ACVR1: variants seen among roughly 807,000 people sequenced by gnomAD.
The protein encoded by ACVR1 is activin receptor type-1.
In ACVR1, 38 loss-of-function variants were observed where a neutral mutation model predicts 57.1. The observed-to-expected ratio is 0.67, with a 90% confidence interval of 0.51 to 0.87. The LOEUF (loss-of-function observed/expected upper bound fraction) is 0.87, where lower values mean the gene tolerates loss of function less well. Among genes scored for constraint, ACVR1 ranks in the 40% least tolerant of loss-of-function variants. The pLI, the probability that ACVR1 is intolerant of heterozygous loss-of-function variation, is 0.00. For synonymous variants in ACVR1, 212 were observed against 228.1 expected (o/e 0.93, Z 0.63); for missense variants, 463 against 638.2 (o/e 0.73, Z 2.96).
At chr2:157,778,048 G>A in intron 5 of ACVR1, 83 bp downstream of exon 5, 1 of 1,415,220 alleles carries the variant, frequency 7.1e-7, no homozygotes, top group Non-Finnish European at 9.9e-7. Context: ...ACTCATTACT[G>A]GTTAGCGTTT....
chr2:157,792,385 T>C (rs545774054), intron 3 of ACVR1, among the ~76,000 whole-genome samples: 16 of 152,318 alleles, frequency 1.1e-4, no homozygotes, highest in Non-Finnish European at 1.8e-4. Flanking sequence ...TCCAGTGTTA[T>C]GACCCAGGCT....
intron 3 of ACVR1, among the ~76,000 whole-genome samples, chr2:157,790,856 CCA>C (rs1206804511): frequency 2.0e-5 from 3 of 152,216 alleles, no homozygotes; most frequent in African/African-American, 7.2e-5. Flanking sequence ...CTTAATCTCT[CCA>C]CAGTTCTCCA....
chr2:157,786,587 T>G (rs954039925), intron 3 of ACVR1, among the ~76,000 whole-genome samples: 3 of 152,182 alleles, frequency 2.0e-5, no homozygotes, highest in Non-Finnish European at 4.4e-5. Flanking sequence ...TATAGAAGAT[T>G]AATATTTTGT....
rs150540806 is a variant in ACVR1 at position 157,812,613 on chromosome 2, A to G, written c.-8+5772T>C. On this transcript the variant is annotated intron_variant, in intron 2 of 10. Transcript: ENST00000434821. ...GCTGAATACATGTTGTTACAAATAT[A>G]TACACACATACACATACACTAAGCA... Among the ~76,000 whole-genome samples the G allele has an allele frequency of 6.6e-4, 101 of 152,348 alleles. 1 individual carries two copies. Among genetic ancestry groups the G allele is most frequent in the African/African-American group, 2.0e-3 (85 of 41,578 alleles).
rs756115532 is a variant in ACVR1 at position 157,738,614 on chromosome 2, C to T, written c.1265-44G>A. ...ATTGTGTTCGGTTAGCAAGAGAGTACAGGTTGCCCCAAGGTTTCATTGATG... is the reference window on the plus strand; with the variant it reads ...ATTGTGTTCGGTTAGCAAGAGAGTATAGGTTGCCCCAAGGTTTCATTGATG... On this transcript the variant is annotated intron_variant, in intron 9 of 10. Transcript: ENST00000434821. The T allele has an allele frequency of 1.1e-5, 18 of 1,613,542 alleles. No individual in the cohort carries two copies. In the Middle Eastern group the frequency reaches 4.9e-4, roughly 44 times the overall value.
intron 1 of ACVR1, among the ~76,000 whole-genome samples, chr2:157,870,556 C>T (rs960355111): frequency 6.6e-6 from 1 of 152,176 alleles, no homozygotes; most frequent in Non-Finnish European, 1.5e-5. Context: ...GCATGGCCCA[C>T]CACTACGTTT....
intron 1 of ACVR1, among the ~76,000 whole-genome samples, chr2:157,819,694 G>A (rs1400950469): frequency 6.6e-6 from 1 of 152,030 alleles, no homozygotes; most frequent in Admixed American, 6.6e-5. Context: ...TGGTTCAAAG[G>A]CTCATAAAAC....
intron 2 of ACVR1, among the ~76,000 whole-genome samples, chr2:157,802,636 CGTAA>C (rs896943716): frequency 5.9e-5 from 9 of 152,120 alleles, no homozygotes; most frequent in African/African-American, 1.9e-4. Flanking sequence ...CTACTCATCC[CGTAA>C]GTCTCAATGG....
intron 9 of ACVR1, among the ~76,000 whole-genome samples, chr2:157,760,170 G>A (rs1239734316): frequency 6.6e-6 from 1 of 152,140 alleles, no homozygotes; most frequent in Non-Finnish European, 1.5e-5. Flanking sequence ...CCTCTTTGCA[G>A]GTGACATAAT....
At chr2:157,802,871 A>C (rs1034874340) in intron 2 of ACVR1, among the ~76,000 whole-genome samples, 5 of 152,192 alleles carry the variant, frequency 3.3e-5, no homozygotes, top group African/African-American at 1.2e-4. Context: ...GCCAGAGCCA[A>C]GTAGGTGCAC....
At chr2:157,808,585 A>C (rs1017706647) in intron 2 of ACVR1, among the ~76,000 whole-genome samples, 5 of 152,202 alleles carry the variant, frequency 3.3e-5, no homozygotes, top group African/African-American at 1.2e-4. Context: ...ACAATATCCC[A>C]GTTGGAAGGG....
chr2:157,778,642 T>C (rs544692058), intron 4 of ACVR1, among the ~76,000 whole-genome samples: 1 of 152,322 alleles, frequency 6.6e-6, no homozygotes, highest in South Asian at 2.1e-4. Context: ...TTACTCTCAT[T>C]AACTTGGATT....
chr2:157,822,926 T>C (rs1428537532), intron 1 of ACVR1, among the ~76,000 whole-genome samples: 2 of 152,246 alleles, frequency 1.3e-5, no homozygotes, highest in Non-Finnish European at 2.9e-5. Flanking sequence ...GATTCGTATG[T>C]TGAAGTCACC....
Position 157,819,099 on chromosome 2 carries a change from A to C in ACVR1, c.-182-540T>G, listed in dbSNP as rs897030523. 5.2e-3 allele frequency among the ~76,000 whole-genome samples: 780 copies of C among 150,704 alleles called. 4 individuals carry two copies. The highest frequency in any genetic ancestry group is 8.7e-3 in the Non-Finnish European group (588 of 67,492). ...TCTCAAAAAAAAAAAAAAAAAAAAA[A>C]AAAACCAGTAAGATCTGCAGTCAGC... On this transcript the variant is annotated intron_variant, in intron 1 of 10. Transcript: ENST00000434821.
intron 1 of ACVR1, among the ~76,000 whole-genome samples, chr2:157,855,271 T>A (rs1042348844): frequency 2.5e-3 from 70 of 27,972 alleles, no homozygotes; most frequent in African/African-American, 9.9e-3. Context: ...AAAAAAAAAG[T>A]GTGTGTGTGT....
intron 2 of ACVR1, among the ~76,000 whole-genome samples, chr2:157,806,105 G>A (rs1425789601): frequency 6.6e-6 from 1 of 152,032 alleles, no homozygotes; most frequent in African/African-American, 2.4e-5. Flanking sequence ...TGGGATTACA[G>A]GTGGGAGCTA....
chr2:157,766,523 A>G (rs930845592), intron 7 of ACVR1, among the ~76,000 whole-genome samples: 2 of 152,220 alleles, frequency 1.3e-5, no homozygotes, highest in African/African-American at 4.8e-5. Flanking sequence ...CAGCATGTTG[A>G]TATTTTAGGA....
intron 1 of ACVR1, among the ~76,000 whole-genome samples, chr2:157,861,020 T>C (rs532829285): frequency 6.6e-6 from 1 of 152,342 alleles, no homozygotes; most frequent in East Asian, 1.9e-4. Context: ...TAAAGGTTGC[T>C]GTCTCTACTG....
chr2:157,838,254 A>G (rs1194022424), intron 1 of ACVR1: 4 of 152,128 alleles, frequency 2.6e-5, no homozygotes, highest in Non-Finnish European at 4.4e-5. Flanking sequence ...GAGCCGCCCA[A>G]TATCTCTGAA....
Sources: gnomAD v4.1 joint callset for allele counts (sites outside exome capture counted in the v4.1 genomes callset) on GRCh38, gnomAD v4.1.1 for gene constraint, MANE v1.5 for transcripts, NCBI Gene and HGNC (gene_info 2026-07-23, HGNC 2026-07-21) for gene names.